The following SHISA9 variants were observed in gnomAD, a reference collection of about 807,000 sequenced individuals.
SHISA9 encodes the protein protein shisa-9.
Under a neutral mutation model 38.0 loss-of-function variants are expected in SHISA9, and 13 were observed. The ratio of observed to expected loss-of-function variants is 0.34; its 90% CI spans 0.22 to 0.54. The LOEUF is 0.54. SHISA9 is among the 20% of genes least tolerant of loss of function. The probability of loss-of-function intolerance (pLI) is 0.91; values close to 1 mark genes in which losing one functional copy is unlikely to be tolerated. For synonymous variants in SHISA9, 275 were observed against 242.0 expected, an observed-to-expected ratio of 1.14 and a Z score of -1.27; for missense variants, 538 against 575.8, an observed-to-expected ratio of 0.93 and a Z score of 0.67.
chr16:12,926,338 C>G lies in SHISA9; in HGVS notation c.691+9523C>G, dbSNP rs181397947. Reference sequence around the variant, plus strand: ...GAATTGCAGTATTAGACTACATTCACCTTTGAAAATGGACCAACCGAGATA... The same window carrying G: ...GAATTGCAGTATTAGACTACATTCAGCTTTGAAAATGGACCAACCGAGATA... On this transcript the variant is annotated intron_variant, in intron 2 of 4. Coordinates refer to ENST00000558583, the MANE Select transcript of SHISA9 (RefSeq NM_001145204.3). 1.1e-4 allele frequency among the ~76,000 whole-genome samples: 17 copies of G among 151,962 alleles called. No individual in the cohort carries two copies. In the East Asian group the frequency reaches 2.7e-3, roughly 24 times the overall value.
At chr16:13,301,178 C>T in the SHISA9 span, among the ~76,000 whole-genome samples, 1 of 152,236 alleles carries the variant, frequency 6.6e-6, no homozygotes, top group African/African-American at 2.4e-5. Flanking sequence ...GCCTGGATGA[C>T]TTTGAGGTTG....
At chr16:13,442,192 C>CT in the SHISA9 span, among the ~76,000 whole-genome samples, 8 of 152,150 alleles carry the variant, frequency 5.3e-5, no homozygotes, top group Non-Finnish European at 1.2e-4. Context: ...TGTTTCTTTG[C>CT]TTGTTTTGGT....
chr16:13,309,775 A>G, the SHISA9 span, among the ~76,000 whole-genome samples: 1 of 152,114 alleles, frequency 6.6e-6, no homozygotes, highest in Non-Finnish European at 1.5e-5. Context: ...ATAATGGGTC[A>G]TGACCACACT....
chr16:13,031,131 T>C (rs1175423232), intron 2 of SHISA9, among the ~76,000 whole-genome samples: 2 of 152,200 alleles, frequency 1.3e-5, no homozygotes, highest in Non-Finnish European at 2.9e-5. Context: ...GTGATTACCA[T>C]GGGTCTTACT....
chr16:12,935,667 G>A (rs2071521217), intron 2 of SHISA9, among the ~76,000 whole-genome samples: 1 of 152,016 alleles, frequency 6.6e-6, no homozygotes, highest in African/African-American at 2.4e-5. Context: ...GGGCAACACA[G>A]TGAAACCCCA....
At chr16:13,282,766 G>C in the SHISA9 span, among the ~76,000 whole-genome samples, 13 of 152,018 alleles carry the variant, frequency 8.6e-5, no homozygotes, top group Non-Finnish European at 1.5e-4. Context: ...TGCTCACCCA[G>C]TGAGTTTCTA....
At chr16:12,904,064 G>A (rs756101976) in intron 1 of SHISA9, among the ~76,000 whole-genome samples, 1 of 152,020 alleles carries the variant, frequency 6.6e-6, no homozygotes, top group Non-Finnish European at 1.5e-5. Context: ...AGCTCCGAGG[G>A]GCTTCAAAGA....
the SHISA9 span, among the ~76,000 whole-genome samples, chr16:13,401,709 C>T: frequency 6.6e-6 from 1 of 152,186 alleles, no homozygotes; most frequent in Non-Finnish European, 1.5e-5. Context: ...TGTCTGGCAT[C>T]TGGATCTTGG....
chr16:13,303,117 C>T, the SHISA9 span, among the ~76,000 whole-genome samples: 1 of 152,048 alleles, frequency 6.6e-6, no homozygotes, highest in Non-Finnish European at 1.5e-5. Flanking sequence ...GCCCAAGAAG[C>T]CTAGATTTAA....
the SHISA9 span, among the ~76,000 whole-genome samples, chr16:13,296,435 A>T: frequency 6.6e-6 from 1 of 151,970 alleles, no homozygotes; most frequent in East Asian, 1.9e-4. Context: ...GGGGGGAAAA[A>T]AACAGATCCC....
chr16:13,405,741 T>C, the SHISA9 span, among the ~76,000 whole-genome samples: 2 of 152,182 alleles, frequency 1.3e-5, no homozygotes, highest in African/African-American at 4.8e-5. Context: ...TTTCTGTTCC[T>C]GTTTTAATGC....
chr16:12,903,396 C>G (rs2071048247), intron 1 of SHISA9, among the ~76,000 whole-genome samples: 1 of 152,238 alleles, frequency 6.6e-6, no homozygotes, highest in South Asian at 2.1e-4. Context: ...TTCCAAGCAC[C>G]CTGATTTCGT....
At chr16:12,949,419 G>T (rs34939433) in intron 2 of SHISA9, among the ~76,000 whole-genome samples, 36,660 of 152,058 alleles carry the variant, frequency 0.24, 4,825 homozygotes, top group East Asian at 0.35. Context: ...AGGAGAGGGA[G>T]GTAAAATGTT....
At chr16:13,550,533 C>T in the SHISA9 span, among the ~76,000 whole-genome samples, 5 of 152,100 alleles carry the variant, frequency 3.3e-5, no homozygotes, top group African/African-American at 4.8e-5. Flanking sequence ...TTTTCCAGCA[C>T]GTTTTCTTGG....
At chr16:13,488,703 GT>G in the SHISA9 span, among the ~76,000 whole-genome samples, 2 of 152,150 alleles carry the variant, frequency 1.3e-5, no homozygotes, top group African/African-American at 4.8e-5. Flanking sequence ...AAGTTACAGT[GT>G]TTGCACAATG....
chr16:13,518,431 T>C, the SHISA9 span, among the ~76,000 whole-genome samples: 1 of 152,086 alleles, frequency 6.6e-6, no homozygotes. Flanking sequence ...AGATGCCAAA[T>C]AGGAAACAGG....
chr16:13,173,153 G>GCGCGCA (rs201510616), intron 2 of SHISA9, among the ~76,000 whole-genome samples: 8 of 150,686 alleles, frequency 5.3e-5, no homozygotes, highest in African/African-American at 1.5e-4. Flanking sequence ...ATGCACGTGC[G>GCGCGCA]CACACACACA....
chr16:13,317,367 G>T, the SHISA9 span, among the ~76,000 whole-genome samples: 1 of 152,330 alleles, frequency 6.6e-6, no homozygotes, highest in South Asian at 2.1e-4. Context: ...GATTCTCAGG[G>T]GAAGTGTAAA....
chr16:12,902,271 C>T lies in SHISA9; in HGVS notation c.207C>T (p.Pro69=), dbSNP rs527754263. Residue 69 remains proline (P), a synonymous_variant, in exon 1 of 5, where the codon CCC becomes CCT. Transcript: ENST00000558583. ...EASDAPPTRA[P]TPDFCRGYFD... is the part of the protein sequence containing the mutation. ...CGGACGCGCCCCCGACCCGGGCGCCCACGCCGGACTTCTGCCGGGGCTACT... is the reference window on the plus strand; with the variant it reads ...CGGACGCGCCCCCGACCCGGGCGCCTACGCCGGACTTCTGCCGGGGCTACT... The T allele has an allele frequency of 2.8e-4, 432 of 1,548,706 alleles. No individual in the cohort carries two copies. The highest frequency in any genetic ancestry group is 1.5e-3 in the Middle Eastern group (9 of 5,980).
Sources: allele counts gnomAD v4.1 joint callset (sites outside exome capture counted in the v4.1 genomes callset), GRCh38; gene constraint gnomAD v4.1.1; transcripts MANE v1.5; gene names NCBI Gene and HGNC (gene_info 2026-07-23, HGNC 2026-07-21).